AFF3: variants seen among roughly 807,000 people sequenced by gnomAD.
AFF3 encodes the protein AF4/FMR2 family member 3.
A neutral mutation model predicts 129.7 loss-of-function variants in AFF3; 32 were observed. The observed-to-expected ratio is 0.25, with a 90% CI of 0.19 to 0.33. AFF3 has a LOEUF of 0.33. Among genes scored for constraint, AFF3 ranks in the 10% least tolerant of loss-of-function variants. The probability of loss-of-function intolerance (pLI) is 1.00; values close to 1 mark genes in which losing one functional copy is unlikely to be tolerated. For synonymous variants in AFF3, 644 were observed against 635.4 expected (o/e 1.01, Z -0.20); for missense variants, 1,373 against 1,592.0 (o/e 0.86, Z 2.34).
chr2:99,608,256 C>T (rs1230131849), intron 13 of AFF3, among the ~76,000 whole-genome samples: 2 of 152,148 alleles, frequency 1.3e-5, no homozygotes, highest in Non-Finnish European at 2.9e-5. Context: ...GTTACTGTTA[C>T]CTCCTACTCC....
At chr2:100,073,743 G>A (rs1688379317) in intron 4 of AFF3, among the ~76,000 whole-genome samples, 1 of 152,158 alleles carries the variant, frequency 6.6e-6, no homozygotes, top group Non-Finnish European at 1.5e-5. Flanking sequence ...TAATCTAAAG[G>A]TTGCTGTCAA....
chr2:99,638,010 T>C (rs894649583), intron 13 of AFF3, among the ~76,000 whole-genome samples: 2 of 152,112 alleles, frequency 1.3e-5, no homozygotes, highest in African/African-American at 4.8e-5. Flanking sequence ...TAACTTAATA[T>C]ACTTAGTCTG....
chr2:99,603,636 C>T (rs1323658775), intron 13 of AFF3, among the ~76,000 whole-genome samples: 3 of 152,174 alleles, frequency 2.0e-5, no homozygotes, highest in African/African-American at 7.2e-5. Flanking sequence ...CAAGTGACAT[C>T]TAATTAAGCT....
intron 7 of AFF3, among the ~76,000 whole-genome samples, chr2:99,922,949 G>A (rs529028168): frequency 1.3e-5 from 2 of 152,218 alleles, no homozygotes; most frequent in African/African-American, 2.4e-5. Flanking sequence ...AATGCTTCTC[G>A]AACGTAGTAT....
At chr2:99,961,826 C>T (rs1054341557) in intron 7 of AFF3, among the ~76,000 whole-genome samples, 1 of 152,210 alleles carries the variant, frequency 6.6e-6, no homozygotes, top group African/African-American at 2.4e-5. Context: ...CCGGTAAGTG[C>T]ATTCCTTCTG....
intron 13 of AFF3, among the ~76,000 whole-genome samples, chr2:99,644,248 A>G (rs968488595): frequency 2.0e-5 from 3 of 152,186 alleles, no homozygotes; most frequent in Non-Finnish European, 4.4e-5. Context: ...GCAGGCTGAC[A>G]TTTCAGATGA....
chr2:99,723,305 C>G (rs1031490050), intron 11 of AFF3, among the ~76,000 whole-genome samples: 3 of 152,128 alleles, frequency 2.0e-5, no homozygotes, highest in Non-Finnish European at 4.4e-5. Context: ...CAATCATGAT[C>G]GATCTCCCGT....
chr2:99,857,860 T>C (rs183239440), intron 7 of AFF3, among the ~76,000 whole-genome samples: 70 of 152,366 alleles, frequency 4.6e-4, no homozygotes, highest in African/African-American at 1.5e-3. Flanking sequence ...ATCTCATTAA[T>C]GACTTTTTTC....
At chr2:100,004,094 T>C (rs10202122) in intron 7 of AFF3, among the ~76,000 whole-genome samples, 9,595 of 152,198 alleles carry the variant, frequency 0.063, 1,049 homozygotes, top group African/African-American at 0.22. Context: ...CCTCCTTGTT[T>C]TTATGTCATT....
At chr2:99,627,611 C>A (rs1256317107) in intron 13 of AFF3, among the ~76,000 whole-genome samples, 1 of 152,138 alleles carries the variant, frequency 6.6e-6, no homozygotes, top group Non-Finnish European at 1.5e-5. Context: ...GCTTTTATTG[C>A]AATTGCTTTT....
intron 1 of AFF3, among the ~76,000 whole-genome samples, chr2:100,134,494 T>C (rs1692553320): frequency 6.6e-6 from 1 of 152,204 alleles, no homozygotes; most frequent in African/African-American, 2.4e-5. Flanking sequence ...TTTTGTGGCA[T>C]TTTCGACAGA....
intron 8 of AFF3, among the ~76,000 whole-genome samples, chr2:99,792,607 T>C (rs1288549631): frequency 6.6e-6 from 1 of 152,248 alleles, no homozygotes; most frequent in African/African-American, 2.4e-5. Flanking sequence ...TAAGCTACTA[T>C]AGGCTTTTTG....
At chr2:99,578,549 A>G in intron 17 of AFF3, 98 bp from the exon 18 acceptor site, 2 of 1,529,050 alleles carry the variant, frequency 1.3e-6, no homozygotes, top group Non-Finnish European at 1.8e-6. Context: ...TTGGCTCTAC[A>G]GAACATCTTT....
At chr2:100,012,182 C>T (rs1026906784) in intron 4 of AFF3, among the ~76,000 whole-genome samples, 1 of 152,148 alleles carries the variant, frequency 6.6e-6, no homozygotes, top group African/African-American at 2.4e-5. Flanking sequence ...TCGTGCCATG[C>T]TTCCACACCA....
chr2:99,830,883 C>T (rs1478613924), intron 8 of AFF3, among the ~76,000 whole-genome samples: 1 of 152,220 alleles, frequency 6.6e-6, no homozygotes, highest in Non-Finnish European at 1.5e-5. Context: ...AGAATCATTT[C>T]TATTCATTCA....
intron 1 of AFF3, among the ~76,000 whole-genome samples, chr2:100,132,501 G>A (rs1027291797): frequency 7.2e-5 from 11 of 152,034 alleles, no homozygotes; most frequent in African/African-American, 2.7e-4. Flanking sequence ...ATAACTTAAT[G>A]AAGAGAGAAA....
chr2:99,901,056 G>T (rs918423663), intron 7 of AFF3, among the ~76,000 whole-genome samples: 2 of 152,222 alleles, frequency 1.3e-5, no homozygotes, highest in Non-Finnish European at 2.9e-5. Context: ...GTACATGCAT[G>T]TGTGCATGCC....
In AFF3 at chr2:99,742,357, T is replaced by TA. The variant is rs577062354; in HGVS notation, c.1039+1746dup. Among the ~76,000 whole-genome samples, 650 of 149,082 alleles carry TA rather than the reference T, an allele frequency of 4.4e-3. 4 individuals are homozygous for TA. Among genetic ancestry groups the TA allele is most frequent in the Admixed American group, 0.01 (151 of 14,958 alleles). On this transcript the variant is annotated intron_variant, in intron 10 of 24. Transcript: ENST00000672756. ...AGACCTTGTCTCAAGAAAATGAAAT[T>TA]AAAAAAAAAATCCCCTTACTCCTAG... is the stretch of plus-strand genomic sequence containing the variant.
At chr2:99,826,366 C>T (rs1558888134) in intron 8 of AFF3, among the ~76,000 whole-genome samples, 1 of 152,136 alleles carries the variant, frequency 6.6e-6, no homozygotes, top group Non-Finnish European at 1.5e-5. Flanking sequence ...CGTGCTCACC[C>T]CTGGAGGTAG....
Sources: gnomAD v4.1 joint callset for allele counts (sites outside exome capture counted in the v4.1 genomes callset) on GRCh38, gnomAD v4.1.1 for gene constraint, MANE v1.5 for transcripts, NCBI Gene and HGNC (gene_info 2026-07-23, HGNC 2026-07-21) for gene names.